The following PARD3B variants were observed in gnomAD, a reference collection of about 807,000 sequenced individuals.
The protein encoded by PARD3B is partitioning defective 3 homolog B.
PARD3B carries 103 observed loss-of-function variants against 130.2 expected under a neutral mutation model. That is an observed-to-expected ratio of 0.79 (90% confidence interval 0.67 to 0.93). The LOEUF is 0.93. PARD3B is among the 40% of genes least tolerant of loss of function. The pLI is 0.00. For synonymous variants in PARD3B, 583 were observed against 553.2 expected, an observed-to-expected ratio of 1.05 and a Z score of -0.76; for missense variants, 1,609 against 1,499.2, an observed-to-expected ratio of 1.07 and a Z score of -1.21.
At chr2:205,297,527 G>A (rs1366715544) in intron 16 of PARD3B, among the ~76,000 whole-genome samples, 1 of 152,104 alleles carries the variant, frequency 6.6e-6, no homozygotes, top group Non-Finnish European at 1.5e-5. Context: ...CCCTTACACA[G>A]CAGGTAACCT....
At chr2:205,548,114 G>A (rs1331346165) in intron 21 of PARD3B, among the ~76,000 whole-genome samples, 5 of 152,070 alleles carry the variant, frequency 3.3e-5, no homozygotes, top group African/African-American at 7.2e-5. Flanking sequence ...CCTGGGTTCA[G>A]TGTTTTTGGC....
intron 10 of PARD3B, among the ~76,000 whole-genome samples, chr2:205,143,263 A>G (rs187278972): frequency 6.6e-6 from 1 of 152,310 alleles, no homozygotes; most frequent in African/African-American, 2.4e-5. Context: ...GACTAAAAAG[A>G]TTCATCCACT....
chr2:204,904,335 T>G (rs956153121), intron 2 of PARD3B, among the ~76,000 whole-genome samples: 3 of 141,056 alleles, frequency 2.1e-5, no homozygotes, highest in African/African-American at 9.5e-5. Context: ...GATGGAGGCC[T>G]GGCCACAGAC....
intron 2 of PARD3B, among the ~76,000 whole-genome samples, chr2:204,883,394 GTA>G (rs1169715158): frequency 6.1e-5 from 6 of 98,754 alleles, no homozygotes; most frequent in African/African-American, 1.5e-4. Flanking sequence ...TTATGTGTAT[GTA>G]TATATATATT....
intron 18 of PARD3B, among the ~76,000 whole-genome samples, chr2:205,371,088 C>T (rs1347616037): frequency 2.6e-5 from 4 of 152,060 alleles, no homozygotes; most frequent in African/African-American, 9.7e-5. Context: ...TAGTCATGGA[C>T]CAATGTTTGG....
At chr2:205,214,315 A>G (rs1414944676) in intron 15 of PARD3B, among the ~76,000 whole-genome samples, 19 of 152,184 alleles carry the variant, frequency 1.2e-4, no homozygotes, top group South Asian at 4.1e-4. Flanking sequence ...TATTCAAAAC[A>G]TGCTTGAACT....
At chr2:205,054,425 TATATATA>T (rs1559392996) in intron 4 of PARD3B, among the ~76,000 whole-genome samples, 1 of 22,346 alleles carries the variant, frequency 4.5e-5, no homozygotes, top group South Asian at 2.0e-3. Flanking sequence ...TATATATATA[TATATATA>T]TATATTTTTT....
intron 16 of PARD3B, among the ~76,000 whole-genome samples, chr2:205,296,281 T>C (rs2041788011): frequency 6.6e-6 from 1 of 152,214 alleles, no homozygotes; most frequent in Non-Finnish European, 1.5e-5. Context: ...CTCCTTTTAA[T>C]CCTTCAGTAT....
intron 16 of PARD3B, among the ~76,000 whole-genome samples, chr2:205,251,883 T>A (rs2039865617): frequency 6.6e-6 from 1 of 152,178 alleles, no homozygotes; most frequent in Non-Finnish European, 1.5e-5. Context: ...TTTTGTCATT[T>A]GTTTTGTTGG....
intron 3 of PARD3B, among the ~76,000 whole-genome samples, chr2:205,014,999 A>T (rs1207817692): frequency 1.3e-5 from 2 of 152,146 alleles, no homozygotes; most frequent in Non-Finnish European, 2.9e-5. Context: ...CTGTCGAACA[A>T]TGTGAGAGTT....
chr2:205,065,852 A>T (rs914502824), intron 4 of PARD3B, among the ~76,000 whole-genome samples: 8 of 152,168 alleles, frequency 5.3e-5, no homozygotes, highest in African/African-American at 1.9e-4. Context: ...CAGCCTGCAG[A>T]ACCACATGCT....
chr2:205,531,508 A>C (rs2051592682), intron 21 of PARD3B, among the ~76,000 whole-genome samples: 1 of 152,106 alleles, frequency 6.6e-6, no homozygotes, highest in South Asian at 2.1e-4. Flanking sequence ...TGCTCTCTAA[A>C]TCCAATTCAT....
intron 2 of PARD3B, among the ~76,000 whole-genome samples, chr2:204,818,616 G>A (rs1357046002): frequency 3.9e-5 from 6 of 152,122 alleles, no homozygotes; most frequent in East Asian, 3.8e-4. Context: ...AAAAAGAAAT[G>A]TGAGGAAAAT....
chr2:204,624,949 T>A (rs567801607), intron 1 of PARD3B, among the ~76,000 whole-genome samples: 1 of 152,286 alleles, frequency 6.6e-6, no homozygotes, highest in East Asian at 1.9e-4. Flanking sequence ...TAGTGATATC[T>A]CATTGTGGGT....
At chr2:204,994,661 T>G (rs1321057454) in intron 3 of PARD3B, among the ~76,000 whole-genome samples, 1 of 151,920 alleles carries the variant, frequency 6.6e-6, no homozygotes, top group African/African-American at 2.4e-5. Context: ...CGTTGATCTG[T>G]CTAATGTTGA....
At chr2:204,794,788 C>T (rs951560230) in intron 2 of PARD3B, among the ~76,000 whole-genome samples, 16 of 152,142 alleles carry the variant, frequency 1.1e-4, no homozygotes, top group African/African-American at 3.6e-4. Flanking sequence ...TGGTACAAGC[C>T]AGCTTCAGCA....
intron 2 of PARD3B, among the ~76,000 whole-genome samples, chr2:204,803,161 A>T (rs35503399): frequency 0.26 from 30,739 of 116,660 alleles, 3,528 homozygotes; most frequent in Middle Eastern, 0.32. Context: ...AAAAAAAAAA[A>T]AAATATATAT....
chr2:205,164,779 A>G (rs1400462543), intron 11 of PARD3B, among the ~76,000 whole-genome samples: 1 of 151,622 alleles, frequency 6.6e-6, no homozygotes, highest in Non-Finnish European at 1.5e-5. Context: ...CTGAAAAGCT[A>G]TATTCGTCTT....
chr2:205,608,729 G>A (rs928485889), intron 22 of PARD3B, among the ~76,000 whole-genome samples: 1 of 152,094 alleles, frequency 6.6e-6, no homozygotes, highest in Admixed American at 6.5e-5. Flanking sequence ...CTGTCATACA[G>A]AATCCAAAAC....
Sources: allele counts gnomAD v4.1 joint callset (sites outside exome capture counted in the v4.1 genomes callset), GRCh38; gene constraint gnomAD v4.1.1; transcripts MANE v1.5; gene names NCBI Gene and HGNC (gene_info 2026-07-23, HGNC 2026-07-21).